Variants in CREB3L3 observed in about 807,000 individuals in gnomAD.
The protein encoded by CREB3L3 is cAMP responsive element binding protein 3 like 3.
CREB3L3 carries 40 observed loss-of-function variants against 44.6 expected under a neutral mutation model. That is an observed-to-expected ratio of 0.90 (90% confidence interval 0.70 to 1.17). The LOEUF (loss-of-function observed/expected upper bound fraction) is 1.17, where lower values mean the gene tolerates loss of function less well. Ranked by LOEUF, CREB3L3 falls within the 50% of genes most tolerant of loss-of-function variation. CREB3L3 has a pLI of 0.00. For synonymous variants in CREB3L3, 273 were observed against 256.3 expected (o/e 1.06, Z -0.62); for missense variants, 578 against 595.8 (o/e 0.97, Z 0.31).
chr19:4,170,685 G>A (rs1433591193), intron 7 of CREB3L3, among the ~76,000 whole-genome samples: 5 of 151,438 alleles, frequency 3.3e-5, no homozygotes, highest in Admixed American at 6.6e-5. Context: ...TGAGGTGGGC[G>A]GATCACAAGG....
At chr19:4,159,877 CTG>C (rs1190168672) in intron 4 of CREB3L3, 95 bp downstream of exon 4, 2 of 754,930 alleles carry the variant, frequency 2.6e-6, no homozygotes, top group Non-Finnish European at 4.9e-6. Context: ...GACTGGAAAA[CTG>C]AGTCACAGAA....
chr19:4,156,081 TTCTCTCTCTCTCTCTCTC>T (rs57754643), intron 2 of CREB3L3, among the ~76,000 whole-genome samples: 7 of 124,524 alleles, frequency 5.6e-5, no homozygotes, highest in African/African-American at 2.1e-4. Context: ...TCTCTCTCGT[TTCTCTCTCTCTCTCTCTC>T]TCTCTCTCTC....
At chr19:4,164,940 C>T (rs981333848) in intron 5 of CREB3L3, among the ~76,000 whole-genome samples, 3 of 152,000 alleles carry the variant, frequency 2.0e-5, no homozygotes, top group African/African-American at 7.2e-5. Context: ...AGCTCCTGAC[C>T]TCATGTGATC....
At chr19:4,169,385 C>A (rs1826678357) in intron 6 of CREB3L3, among the ~76,000 whole-genome samples, 1 of 151,756 alleles carries the variant, frequency 6.6e-6, no homozygotes, top group African/African-American at 2.4e-5. Context: ...GAGGCTGAGG[C>A]AGGAGAATGG....
chr19:4,159,656 C>G lies in CREB3L3; in HGVS notation c.458-8C>G, dbSNP rs749643264. The stretch of plus-strand genomic sequence containing the variant: ...CTCCCTGTCTCCGTCCCCACCTGCC[C>G]TGGTCAGAAATGTGGAGCCCAGGAG... On this transcript the variant is annotated splice_polypyrimidine_tract_variant and splice_region_variant and intron_variant, in intron 3 of 9. Coordinates refer to ENST00000078445, the MANE Select transcript of CREB3L3 (RefSeq NM_032607.3). The G allele has an allele frequency of 2.9e-6, 4 of 1,386,694 alleles. No individual in the cohort carries two copies. The African/African-American group carries it at 4.2e-5, about 15-fold the overall frequency. 85.9% of individuals were successfully genotyped at this position (1,386,694 alleles called of 1,614,324 possible).
Position 4,171,451 on chromosome 19 carries a change from G to A in CREB3L3, c.1044G>A (p.Glu348=), listed in dbSNP as rs1967045291. The A allele has an allele frequency of 6.2e-7, 1 of 1,614,068 alleles. No homozygotes were observed. The highest frequency in any genetic ancestry group is 8.5e-7 in the Non-Finnish European group (1 of 1,180,006). ...GCCCTTTTGGCCCCAACAAAACCGA[G>A]AGCCCTGGGGACTTTGCGCCTGTAC... is the stretch of plus-strand genomic sequence containing the variant. ...SISPFGPNKT[E]SPGDFAPVRV... Residue 348 remains glutamate (E), a synonymous_variant, in exon 9 of 10, where the codon GAG becomes GAA. Transcript: ENST00000078445. This position sits in a 1 kb window ranked among gnomAD's most constrained non-coding sequence, Gnocchi z 4.9.
chr19:4,171,630 C>T lies in CREB3L3; in HGVS notation c.1073-26C>T. The T allele has an allele frequency of 6.2e-7, 1 of 1,612,948 alleles. No homozygotes were observed. Among genetic ancestry groups the T allele is most frequent in the Non-Finnish European group, 8.5e-7 (1 of 1,179,476 alleles). On this transcript the variant is annotated intron_variant, in intron 9 of 9. Transcript: ENST00000078445. This position sits in a 1 kb window ranked among gnomAD's most constrained non-coding sequence, Gnocchi z 4.9. ...TAGGACCCCACCTCCACCTTGTCCC[C>T]TGTGATGCCCCCCTTCCCCAATCAG...
At chr19:4,165,512 T>C (rs1392091748) in intron 5 of CREB3L3, among the ~76,000 whole-genome samples, 1 of 152,066 alleles carries the variant, frequency 6.6e-6, no homozygotes, top group Non-Finnish European at 1.5e-5. Flanking sequence ...CTGCATTTTA[T>C]ACATTTTTGA....
intron 4 of CREB3L3, among the ~76,000 whole-genome samples, chr19:4,161,731 A>T (rs2041664871): frequency 6.6e-6 from 1 of 152,234 alleles, no homozygotes. Flanking sequence ...CCAATGCCAA[A>T]GGTTATCCTG....
At chr19:4,166,731 G>A (rs1966914793) in intron 5 of CREB3L3, among the ~76,000 whole-genome samples, 1 of 150,996 alleles carries the variant, frequency 6.6e-6, no homozygotes, top group African/African-American at 2.4e-5. Flanking sequence ...TTTGTTTTGA[G>A]ATAGGATCTC....
chr19:4,155,043 C>A lies in CREB3L3; in HGVS notation c.156+16C>A. 1 of 1,602,990 alleles carries A rather than the reference C, an allele frequency of 6.2e-7. No homozygotes were observed. The highest frequency in any genetic ancestry group is 8.5e-7 in the Non-Finnish European group (1 of 1,179,822). Reference sequence around the variant, plus strand: ...CAAGGACCAGGTGAGGAGTCCACTGCAGTTGCCCCGGGACCACAGAGCTCC... The same window carrying A: ...CAAGGACCAGGTGAGGAGTCCACTGAAGTTGCCCCGGGACCACAGAGCTCC... On this transcript the variant is annotated intron_variant, in intron 2 of 9. Transcript: ENST00000078445.
intron 5 of CREB3L3, among the ~76,000 whole-genome samples, chr19:4,167,602 G>GA (rs1966945779): frequency 6.6e-6 from 1 of 151,766 alleles, no homozygotes; most frequent in African/African-American, 2.4e-5. Flanking sequence ...TAAGAAAGAA[G>GA]AAAAAAATTA....
rs1326893730 is a variant in CREB3L3, at chr19:4,171,355, G to A, written c.976-28G>A. 1.9e-6 allele frequency: 3 copies of A among 1,601,284 alleles called. No homozygotes were observed. The highest frequency in any genetic ancestry group is 4.5e-5 in the East Asian group (2 of 44,790). ...GATGCTTGCAGGGGAGGGGAGGGAG[G>A]GGGTGACTCTGCCGCTGTCTCCACC... On this transcript the variant is annotated intron_variant, in intron 8 of 9. Transcript: ENST00000078445. This position sits in a 1 kb window ranked among gnomAD's most constrained non-coding sequence, Gnocchi z 4.9.
chr19:4,171,088 A>C lies in CREB3L3; in HGVS notation c.891-3A>C, dbSNP rs757874646. The C allele has an allele frequency of 1.9e-6, 3 of 1,613,176 alleles. No homozygotes were observed. The South Asian group carries it at 3.3e-5, about 18-fold the overall frequency. On this transcript the variant is annotated splice_region_variant and splice_polypyrimidine_tract_variant and intron_variant, in intron 7 of 9. Transcript: ENST00000078445. This position sits in a 1 kb window ranked among gnomAD's most constrained non-coding sequence, Gnocchi z 4.9. ...TCAGCGGAGGCCTGCCTGTCTCTCT[A>C]AGGTCCCTCTTGGAGCAACTGAAGA...
chr19:4,158,527 C>A (rs2041616594), intron 3 of CREB3L3, among the ~76,000 whole-genome samples: 1 of 149,778 alleles, frequency 6.7e-6, no homozygotes, highest in Admixed American at 6.7e-5. Context: ...AAATGCTGGG[C>A]ACAGTGGTTC....
intron 4 of CREB3L3, among the ~76,000 whole-genome samples, chr19:4,162,770 G>A (rs2041676415): frequency 6.6e-6 from 1 of 151,958 alleles, no homozygotes; most frequent in African/African-American, 2.4e-5. Context: ...CTTGAGCCCA[G>A]GAGTTTGAGA....
At chr19:4,164,407 C>A in intron 4 of CREB3L3, 96 bp from the exon 5 acceptor site, 1 of 1,491,006 alleles carries the variant, frequency 6.7e-7, no homozygotes, top group Non-Finnish European at 9.3e-7. Context: ...CACACCCAGC[C>A]TGGGGTGATA....
Position 4,172,722 on chromosome 19 carries a change from C to T in CREB3L3, c.*753C>T, listed in dbSNP as rs1000061108. The T allele has an allele frequency of 1.7e-5, 4 of 229,078 alleles. No homozygotes were observed. The highest frequency in any genetic ancestry group is 4.7e-5 in the African/African-American group (2 of 42,230). 14.2% of individuals were successfully genotyped at this position (229,078 alleles called of 1,614,324 possible). ...ACAGACAGACAGACACAGCCTGAAA[C>T]AGACCCAGACAGACAGACCGACGCA... is the stretch of plus-strand genomic sequence containing the variant. On this transcript the variant is annotated 3_prime_UTR_variant, in exon 10 of 10. Transcript: ENST00000078445.
intron 3 of CREB3L3, among the ~76,000 whole-genome samples, chr19:4,158,792 T>C (rs1599333317): frequency 7.7e-6 from 1 of 129,870 alleles, no homozygotes; most frequent in African/African-American, 3.1e-5. Context: ...AGAGCGAGAC[T>C]CCGTCTCAAA....
Sources: gnomAD v4.1 joint callset for allele counts (sites outside exome capture counted in the v4.1 genomes callset) on GRCh38, gnomAD v4.1.1 for gene constraint, Gnocchi (gnomAD v3.1) non-coding constraint, MANE v1.5 for transcripts, NCBI Gene and HGNC (gene_info 2026-07-23, HGNC 2026-07-21) for gene names.